Variants in KCNMA1 observed in about 807,000 individuals in gnomAD.
KCNMA1 encodes potassium calcium-activated channel subfamily M alpha 1, also known as Calcium-activated potassium channel subunit alpha-1.
Under a neutral mutation model 140.0 loss-of-function variants are expected in KCNMA1, and 29 were observed. The observed-to-expected ratio is 0.21, with a 90% CI of 0.15 to 0.28. The LOEUF (loss-of-function observed/expected upper bound fraction) is 0.28, where lower values mean the gene tolerates loss of function less well. Ranked by LOEUF, KCNMA1 falls within the 10% of genes least tolerant of loss-of-function variation. KCNMA1 has a pLI of 1.00. For missense variants in KCNMA1, 880 were observed against 1,602.2 expected (o/e 0.55, Z 7.70); for synonymous variants, 612 against 611.9 (o/e 1.00, Z 0.00).
intron 1 of KCNMA1, among the ~76,000 whole-genome samples, chr10:77,467,755 C>T (rs2098061126): frequency 1.3e-5 from 2 of 150,720 alleles, no homozygotes; most frequent in Non-Finnish European, 3.0e-5. Flanking sequence ...CACTTGGCCA[C>T]TCGCCGAGTT....
At chr10:76,966,742 A>C (rs552635315) in intron 20 of KCNMA1, among the ~76,000 whole-genome samples, 1 of 152,288 alleles carries the variant, frequency 6.6e-6, no homozygotes, top group Non-Finnish European at 1.5e-5. Flanking sequence ...AATAACAGGC[A>C]GAGAGAGCCG....
intron 2 of KCNMA1, among the ~76,000 whole-genome samples, chr10:77,318,086 C>A (rs976858806): frequency 3.3e-5 from 5 of 152,152 alleles, no homozygotes; most frequent in African/African-American, 7.2e-5. Flanking sequence ...CTCATACTAT[C>A]TCGTGTAATT....
chr10:76,999,323 C>T (rs887147094), intron 19 of KCNMA1, among the ~76,000 whole-genome samples: 2 of 152,210 alleles, frequency 1.3e-5, no homozygotes, highest in African/African-American at 4.8e-5. Flanking sequence ...CAAGACATGA[C>T]CAAGGGGCCC....
At chr10:77,171,065 C>A (rs1339439880) in intron 5 of KCNMA1, among the ~76,000 whole-genome samples, 2 of 152,194 alleles carry the variant, frequency 1.3e-5, no homozygotes, top group Non-Finnish European at 2.9e-5. Context: ...ATAGCAGCTA[C>A]AACTAGAATT....
intron 2 of KCNMA1, among the ~76,000 whole-genome samples, chr10:77,258,460 T>C (rs184221891): frequency 4.9e-4 from 75 of 152,210 alleles, no homozygotes; most frequent in Non-Finnish European, 8.2e-4. Flanking sequence ...CTACAGAAAA[T>C]TGAGTGGTGG....
intron 3 of KCNMA1, among the ~76,000 whole-genome samples, chr10:77,202,498 G>A (rs1262855294): frequency 6.6e-6 from 1 of 152,102 alleles, no homozygotes; most frequent in Non-Finnish European, 1.5e-5. Flanking sequence ...GTTGGTGCAG[G>A]CTAAGCCATC....
intron 1 of KCNMA1, among the ~76,000 whole-genome samples, chr10:77,565,625 G>A (rs940589055): frequency 2.6e-5 from 4 of 152,206 alleles, no homozygotes; most frequent in Admixed American, 2.0e-4. Context: ...GCTCTTCCCA[G>A]TCACTCTCTT....
chr10:77,266,657 C>T (rs569663965), intron 2 of KCNMA1, among the ~76,000 whole-genome samples: 2 of 152,246 alleles, frequency 1.3e-5, no homozygotes, highest in South Asian at 4.1e-4. Flanking sequence ...TTAGGCTTCC[C>T]TAATTACCCT....
Position 77,008,322 on chromosome 10 carries a change from T to C in KCNMA1, c.2092+3645A>G, listed in dbSNP as rs2089724028. ...CCTTCAAACACATCAAACTAGACAT[T>C]ACTTGTCCACTAGGAGTCCACACTT... is the stretch of plus-strand genomic sequence containing the variant. On this transcript the variant is annotated intron_variant, in intron 18 of 27. Transcript: ENST00000286628. The C allele has an allele frequency of 3.3e-6, 3 of 905,062 alleles. No individual in the cohort carries two copies. The Admixed American group carries it at 7.7e-5, about 23-fold the overall frequency. 56.1% of individuals were successfully genotyped at this position (905,062 alleles called of 1,614,324 possible).
At chr10:77,543,602 A>G (rs2060697240) in intron 1 of KCNMA1, among the ~76,000 whole-genome samples, 1 of 152,228 alleles carries the variant, frequency 6.6e-6, no homozygotes, top group Non-Finnish European at 1.5e-5. Context: ...ACAAAAACAT[A>G]TATTCAATGA....
At chr10:77,535,880 C>T (rs1387841331) in intron 1 of KCNMA1, among the ~76,000 whole-genome samples, 1 of 152,084 alleles carries the variant, frequency 6.6e-6, no homozygotes, top group African/African-American at 2.4e-5. Flanking sequence ...TTACCAGAAG[C>T]TGGGAAGGGT....
At position 76,886,103 on chromosome 10, in the gene KCNMA1, C is replaced by T; in HGVS notation, c.*1163G>A. The stretch of plus-strand genomic sequence containing the variant: ...TTTGTCTTTGTTGAGTCAACTGTGG[C>T]TGATCCTCCTACATTCTAATTTATT... On this transcript the variant is annotated 3_prime_UTR_variant, in exon 28 of 28. Transcript: ENST00000286628. 1 of 985,404 alleles carries T rather than the reference C, an allele frequency of 1.0e-6. No individual in the cohort carries two copies. The highest frequency in any genetic ancestry group is 4.7e-5 in the South Asian group (1 of 21,282). The allele number at this position is 985,404 out of a possible 1,614,324, so 61.0% of individuals were successfully genotyped here. A position where few individuals can be genotyped will look rare whatever the true frequency, so the allele number is the denominator to read the frequency against.
At chr10:76,917,654 C>A (rs1239672920) in intron 23 of KCNMA1, among the ~76,000 whole-genome samples, 1 of 152,152 alleles carries the variant, frequency 6.6e-6, no homozygotes, top group Non-Finnish European at 1.5e-5. Flanking sequence ...CAACTCTCCC[C>A]TATGCATGAC....
intron 17 of KCNMA1, among the ~76,000 whole-genome samples, chr10:77,017,447 A>G (rs1359687826): frequency 6.6e-6 from 1 of 152,074 alleles, no homozygotes; most frequent in African/African-American, 2.4e-5. Flanking sequence ...TTCTCAGGAT[A>G]CTCTTGAACA....
At chr10:76,922,432 GA>G (rs777428928) in intron 23 of KCNMA1, among the ~76,000 whole-genome samples, 1 of 152,164 alleles carries the variant, frequency 6.6e-6, no homozygotes, top group Non-Finnish European at 1.5e-5. Flanking sequence ...CCTGGAAACA[GA>G]AGTGGCAACA....
chr10:77,556,826 A>C (rs937276001), intron 1 of KCNMA1, among the ~76,000 whole-genome samples: 21 of 152,194 alleles, frequency 1.4e-4, no homozygotes, highest in African/African-American at 5.1e-4. Flanking sequence ...ACACCCTAAG[A>C]AAATGTAATC....
chr10:77,157,630 G>A (rs1043448170), intron 5 of KCNMA1, among the ~76,000 whole-genome samples: 4 of 152,120 alleles, frequency 2.6e-5, no homozygotes, highest in Non-Finnish European at 4.4e-5. Flanking sequence ...TCACGCTGGA[G>A]CAAAATAAGA....
At chr10:77,586,778 G>A (rs113913651) in intron 1 of KCNMA1, among the ~76,000 whole-genome samples, 2,000 of 152,256 alleles carry the variant, frequency 0.013, 25 homozygotes, top group Admixed American at 0.03. Context: ...GAACTCACAC[G>A]TATGCTTAGA....
chr10:77,540,750 C>A (rs980866010), intron 1 of KCNMA1, among the ~76,000 whole-genome samples: 2 of 152,066 alleles, frequency 1.3e-5, no homozygotes, highest in Non-Finnish European at 2.9e-5. Context: ...CCTGTAATCC[C>A]AGCACTTCGG....
Sources: allele counts gnomAD v4.1 joint callset (sites outside exome capture counted in the v4.1 genomes callset), GRCh38; gene constraint gnomAD v4.1.1; transcripts MANE v1.5; gene names NCBI Gene and HGNC (gene_info 2026-07-23, HGNC 2026-07-21).